Variants in SPAG16 observed in about 807,000 individuals in gnomAD.
The protein encoded by SPAG16 is sperm-associated antigen 16 protein.
In SPAG16, 86 loss-of-function variants were observed where a neutral mutation model predicts 80.4. The ratio of observed to expected loss-of-function variants is 1.07; its 90% CI spans 0.90 to 1.28. SPAG16 has a LOEUF of 1.28. Among genes scored for constraint, SPAG16 ranks in the 50% most tolerant of loss-of-function variants. The pLI is 0.00. For synonymous variants in SPAG16, 294 were observed against 265.9 expected (o/e 1.11, Z -1.03); for missense variants, 870 against 765.3 (o/e 1.14, Z -1.61).
chr2:214,343,108 C>CA lies in SPAG16; in HGVS notation c.1721-67024dup, dbSNP rs1194620039. On this transcript the variant is annotated intron_variant, in intron 15 of 15. Coordinates refer to ENST00000331683, the MANE Select transcript of SPAG16 (RefSeq NM_024532.5). Reference sequence around the variant, plus strand: ...AGATACTGCCAAAAATGCCATGTTACAAAAAAAAGTATAATAACTATTTTA... The same window carrying CA: ...AGATACTGCCAAAAATGCCATGTTACAAAAAAAAAGTATAATAACTATTTTA... 4.6e-5 allele frequency among the ~76,000 whole-genome samples: 7 copies of CA among 150,892 alleles called. No individual in the cohort carries two copies. The East Asian group carries it at 5.8e-4, about 13-fold the overall frequency.
chr2:213,320,748 C>G (rs1346594245), intron 5 of SPAG16, among the ~76,000 whole-genome samples: 5 of 151,918 alleles, frequency 3.3e-5, no homozygotes, highest in Non-Finnish European at 5.9e-5. Flanking sequence ...GGATTTCATT[C>G]TTTTTTTAAA....
intron 10 of SPAG16, among the ~76,000 whole-genome samples, chr2:213,532,535 C>T (rs1208160183): frequency 1.3e-5 from 2 of 150,250 alleles, no homozygotes; most frequent in Non-Finnish European, 2.9e-5. Flanking sequence ...CATCTCGGCT[C>T]ACCACAACCT....
At chr2:214,167,358 A>G (rs892434399) in intron 15 of SPAG16, among the ~76,000 whole-genome samples, 1 of 152,122 alleles carries the variant, frequency 6.6e-6, no homozygotes, top group African/African-American at 2.4e-5. Flanking sequence ...GGCCTGAGTT[A>G]CCACAATGCT....
At chr2:213,381,329 C>T (rs1053565382) in intron 9 of SPAG16, among the ~76,000 whole-genome samples, 2 of 152,138 alleles carry the variant, frequency 1.3e-5, no homozygotes, top group African/African-American at 4.8e-5. Flanking sequence ...ATACAATGAA[C>T]ACATATTTTG....
At chr2:213,839,453 G>C (rs1350362521) in intron 10 of SPAG16, among the ~76,000 whole-genome samples, 2 of 152,072 alleles carry the variant, frequency 1.3e-5, no homozygotes, top group African/African-American at 4.8e-5. Flanking sequence ...CTATGAAACT[G>C]TCTACCATAT....
At chr2:213,836,434 A>G (rs6705414) in intron 10 of SPAG16, among the ~76,000 whole-genome samples, 37,679 of 151,822 alleles carry the variant, frequency 0.25, 5,188 homozygotes, top group Middle Eastern at 0.38. Context: ...ACTATCAAAA[A>G]CATTGCTGTT....
At chr2:213,495,449 T>A (rs1467824480) in intron 10 of SPAG16, among the ~76,000 whole-genome samples, 1 of 152,196 alleles carries the variant, frequency 6.6e-6, no homozygotes, top group African/African-American at 2.4e-5. Flanking sequence ...AAATGAATTT[T>A]AAAAATAAAA....
At chr2:213,339,253 T>G (rs1023040085) in intron 5 of SPAG16, among the ~76,000 whole-genome samples, 1 of 152,214 alleles carries the variant, frequency 6.6e-6, no homozygotes, top group African/African-American at 2.4e-5. Flanking sequence ...TGCATTTATT[T>G]TATGTGAATC....
chr2:213,944,444 T>C (rs1418471553), intron 12 of SPAG16, among the ~76,000 whole-genome samples: 1 of 152,228 alleles, frequency 6.6e-6, no homozygotes, highest in African/African-American at 2.4e-5. Flanking sequence ...ATTTATCCTA[T>C]GCCTATCCCA....
At chr2:214,384,768 G>T (rs1700652596) in intron 15 of SPAG16, among the ~76,000 whole-genome samples, 1 of 152,174 alleles carries the variant, frequency 6.6e-6, no homozygotes, top group Non-Finnish European at 1.5e-5. Context: ...AAAGCATATG[G>T]CTGCTGCTTC....
chr2:214,271,888 G>A (rs1692052724), intron 15 of SPAG16, among the ~76,000 whole-genome samples: 1 of 151,238 alleles, frequency 6.6e-6, no homozygotes, highest in East Asian at 1.9e-4. Context: ...AATAGCAGGA[G>A]TCTGTTTTTA....
intron 15 of SPAG16, among the ~76,000 whole-genome samples, chr2:214,169,637 A>G (rs1186726680): frequency 6.6e-6 from 1 of 152,082 alleles, no homozygotes; most frequent in Non-Finnish European, 1.5e-5. Flanking sequence ...AGCAGAGAGT[A>G]TGGTAATACA....
At chr2:214,201,680 C>T (rs2058013515) in intron 15 of SPAG16, among the ~76,000 whole-genome samples, 1 of 152,158 alleles carries the variant, frequency 6.6e-6, no homozygotes, top group African/African-American at 2.4e-5. Flanking sequence ...GGATAGACTA[C>T]ATTTTATTGG....
At chr2:214,335,738 A>C (rs1267085282) in intron 15 of SPAG16, among the ~76,000 whole-genome samples, 1 of 132,692 alleles carries the variant, frequency 7.5e-6, no homozygotes, top group Admixed American at 7.5e-5. Flanking sequence ...TATGTCTATT[A>C]TTTTATTATT....
intron 9 of SPAG16, among the ~76,000 whole-genome samples, chr2:213,424,276 ATTG>A (rs1407697604): frequency 6.6e-6 from 1 of 152,214 alleles, no homozygotes; most frequent in East Asian, 1.9e-4. Flanking sequence ...AGTCAAAATA[ATTG>A]TTATTAGAAG....
intron 15 of SPAG16, among the ~76,000 whole-genome samples, chr2:214,313,291 A>G (rs1251592798): frequency 3.3e-5 from 5 of 152,112 alleles, no homozygotes; most frequent in Admixed American, 2.6e-4. Flanking sequence ...CTACCAAACT[A>G]TGTGCATTCC....
chr2:213,328,289 G>A (rs2063929190), intron 5 of SPAG16, among the ~76,000 whole-genome samples: 1 of 151,986 alleles, frequency 6.6e-6, no homozygotes, highest in African/African-American at 2.4e-5. Flanking sequence ...TAAAAATACA[G>A]GGTTAAAATG....
At chr2:214,126,035 CTTCCTTCCTTCCTTCCTTCCTTCCT>C (rs1475918408) in intron 14 of SPAG16, among the ~76,000 whole-genome samples, 1,499 of 11,018 alleles carry the variant, frequency 0.14, 105 homozygotes, top group South Asian at 0.31. Flanking sequence ...TCCTTCCTTC[CTTCCTTCCTTCCTTCCTTCCTTCCT>C]TTTTTTTTTT....
intron 15 of SPAG16, among the ~76,000 whole-genome samples, chr2:214,219,349 A>G (rs895842005): frequency 6.6e-6 from 1 of 152,098 alleles, no homozygotes; most frequent in Non-Finnish European, 1.5e-5. Context: ...AACTTTGTAA[A>G]GTAAAAGAGA....
Sources: allele counts gnomAD v4.1 joint callset (sites outside exome capture counted in the v4.1 genomes callset), GRCh38; gene constraint gnomAD v4.1.1; transcripts MANE v1.5; gene names NCBI Gene and HGNC (gene_info 2026-07-23, HGNC 2026-07-21).